USP10: variants seen among roughly 807,000 people sequenced by gnomAD.
USP10 encodes ubiquitin carboxyl-terminal hydrolase 10.
Under a neutral mutation model 84.5 loss-of-function variants are expected in USP10, and 22 were observed. The ratio of observed to expected loss-of-function variants is 0.26; its 90% CI spans 0.19 to 0.37. The LOEUF is 0.37. USP10 is among the 10% of genes least tolerant of loss of function. USP10 has a pLI of 1.00. For missense variants in USP10, 1,019 were observed against 998.9 expected (o/e 1.02, Z -0.27); for synonymous variants, 454 against 387.6 (o/e 1.17, Z -2.01).
chr16:84,729,371 C>G (rs564436522), intron 1 of USP10, among the ~76,000 whole-genome samples: 1 of 152,140 alleles, frequency 6.6e-6, no homozygotes, highest in Non-Finnish European at 1.5e-5. Context: ...CTTGTGATAT[C>G]GATGACTTGT....
chr16:84,707,317 CTATAA>C (rs1905661154), intron 1 of USP10, among the ~76,000 whole-genome samples: 2 of 152,290 alleles, frequency 1.3e-5, no homozygotes, highest in Non-Finnish European at 2.9e-5. Flanking sequence ...AAATTTGTTA[CTATAA>C]TATGTTACTA....
chr16:84,755,313 G>A (rs921320612), intron 4 of USP10, among the ~76,000 whole-genome samples: 1 of 151,612 alleles, frequency 6.6e-6, no homozygotes, highest in South Asian at 2.1e-4. Context: ...TGAAGTTGCT[G>A]TTTCACTCCT....
chr16:84,737,043 T>G (rs1474108009), intron 2 of USP10, among the ~76,000 whole-genome samples: 1 of 152,114 alleles, frequency 6.6e-6, no homozygotes, highest in Non-Finnish European at 1.5e-5. Context: ...CCGCCTCGGC[T>G]TCCCAAAGTG....
At chr16:84,727,651 C>T (rs1908677170) in intron 1 of USP10, among the ~76,000 whole-genome samples, 1 of 152,248 alleles carries the variant, frequency 6.6e-6, no homozygotes, top group Admixed American at 6.5e-5. Context: ...TGCAAATACA[C>T]ACTCATACGG....
intron 1 of USP10, among the ~76,000 whole-genome samples, chr16:84,702,993 C>CAAAAAAAAAAAAA (rs1157728872): frequency 4.0e-4 from 21 of 52,142 alleles, no homozygotes; most frequent in African/African-American, 1.2e-3. Context: ...ACTCCCGTCT[C>CAAAAAAAAAAAAA]AAAAAAAAAA....
At chr16:84,700,654 A>G (rs1159085458) in intron 1 of USP10, among the ~76,000 whole-genome samples, 2 of 152,338 alleles carry the variant, frequency 1.3e-5, no homozygotes, top group East Asian at 3.9e-4. Context: ...TAGAAGTAGC[A>G]GAGTAGCGGC....
chr16:84,740,510 T>C (rs1038606307), intron 3 of USP10, 141 bp downstream of exon 3: 19 of 670,404 alleles, frequency 2.8e-5, no homozygotes, highest in Non-Finnish European at 2.6e-6. Flanking sequence ...GTAATGTATT[T>C]AATTGCTGAA....
chr16:84,713,230 G>GT (rs1906539055), intron 1 of USP10, among the ~76,000 whole-genome samples: 1 of 152,148 alleles, frequency 6.6e-6, no homozygotes, highest in Non-Finnish European at 1.5e-5. Context: ...GCCAGGCATT[G>GT]TTGGTACAGA....
intron 1 of USP10, among the ~76,000 whole-genome samples, chr16:84,729,921 C>G (rs1349032716): frequency 6.6e-6 from 1 of 152,176 alleles, no homozygotes. Flanking sequence ...ATGTTTTCAT[C>G]AAGTCCTAAG....
At chr16:84,775,103 G>T in intron 12 of USP10, 57 bp from the exon 13 acceptor site, 1 of 1,499,414 alleles carries the variant, frequency 6.7e-7, no homozygotes, top group Non-Finnish European at 9.3e-7. Context: ...ATTTTCTGCT[G>T]CTGTTACCCT....
At position 84,744,772 on chromosome 16, in the gene USP10, C is replaced by G; in HGVS notation, c.291C>G (p.Ser97=). 7.4e-6 allele frequency: 12 copies of G among 1,613,686 alleles called. No individual in the cohort carries two copies. The highest frequency in any genetic ancestry group is 1.0e-5 in the Non-Finnish European group (12 of 1,179,706). ...APEFILGCTA[S]KITPDGITKE... ...AATTTATTCTCGGTTGTACAGCTTC[C>G]AAAATAACCCCTGATGGTATCACTA... Residue 97 remains serine, a synonymous_variant, in exon 4 of 14, where the codon TCC becomes TCG. Coordinates refer to ENST00000219473, the MANE Select transcript of USP10 (RefSeq NM_005153.3).
At chr16:84,769,051 T>C (rs1405236021) in intron 11 of USP10, among the ~76,000 whole-genome samples, 1 of 152,210 alleles carries the variant, frequency 6.6e-6, no homozygotes, top group Non-Finnish European at 1.5e-5. Flanking sequence ...GAGTGTCTTC[T>C]CTGTTATATA....
At chr16:84,764,939 A>AAAAATAT (rs370383030) in intron 10 of USP10, among the ~76,000 whole-genome samples, 87 of 132,266 alleles carry the variant, frequency 6.6e-4, no homozygotes, top group African/African-American at 1.9e-3. Flanking sequence ...GAGAAAAAAA[A>AAAAATAT]ATATATATAT....
At position 84,760,249 on chromosome 16, in the gene USP10, G is replaced by A. The variant is rs777792061; in HGVS notation, c.1528G>A (p.Val510Ile). 2 of 1,608,996 alleles carry A rather than the reference G, an allele frequency of 1.2e-6. No homozygotes were observed. The highest frequency in any genetic ancestry group is 1.3e-5 in the African/African-American group (1 of 74,868). ...CACATATATTTACAGACTCCTGACA[G>A]TTAACAAGTCAAGCCTGTCTGAAAA... ...EPTYIYRLLT[V>I]NKSSLSEKGR... The change falls in exon 8 of 14, where the codon GTT becomes ATT. Residue 510 changes from valine to isoleucine, a missense_variant. Coordinates refer to ENST00000219473, the MANE Select transcript of USP10 (RefSeq NM_005153.3).
At chr16:84,701,934 C>CTTTTTTTTTTTTTTT (rs749796171) in intron 1 of USP10, among the ~76,000 whole-genome samples, 1 of 92,704 alleles carries the variant, frequency 1.1e-5, no homozygotes, top group Non-Finnish European at 2.2e-5. Context: ...TAATTTTCTT[C>CTTTTTTTTTTTTTTT]TTCTTTTTTT....
rs765812676 is a variant in USP10 at position 84,744,615 on chromosome 16, A to G, written c.152-18A>G. On this transcript the variant is annotated intron_variant, in intron 3 of 13. Coordinates refer to ENST00000219473, the MANE Select transcript of USP10 (RefSeq NM_005153.3). Reference sequence around the variant, plus strand: ...TTGTAGAACTGGGTTCTTAACTAATAGTTTTCTTTCTAAACAGGACAAGAA... The same window carrying G: ...TTGTAGAACTGGGTTCTTAACTAATGGTTTTCTTTCTAAACAGGACAAGAA... 5 of 1,573,528 alleles carry G rather than the reference A, an allele frequency of 3.2e-6. No homozygotes were observed. The South Asian group carries it at 4.6e-5, about 15-fold the overall frequency.
In USP10 at chr16:84,700,036, G is replaced by A; in HGVS notation, c.-55G>A. On this transcript the variant is annotated 5_prime_UTR_variant, in exon 1 of 14. Transcript: ENST00000219473. ...TGCGGGCGAGAAGATGGCGGCGGCG[G>A]GGGAAGCAGCGTGAGCAGCCGGAGG... is the stretch of plus-strand genomic sequence containing the variant. The A allele has an allele frequency of 3.7e-6, 5 of 1,344,728 alleles. No individual in the cohort carries two copies. Among genetic ancestry groups the A allele is most frequent in the Non-Finnish European group, 4.9e-6 (5 of 1,025,082 alleles). 83.3% of individuals were successfully genotyped at this position (1,344,728 alleles called of 1,614,324 possible). A position where few individuals can be genotyped will look rare whatever the true frequency, so the allele number is the denominator to read the frequency against.
chr16:84,731,527 A>G (rs748688864), intron 1 of USP10, among the ~76,000 whole-genome samples: 2 of 151,964 alleles, frequency 1.3e-5, no homozygotes, highest in Non-Finnish European at 2.9e-5. Flanking sequence ...TCCCCCCAAG[A>G]AAAAGGTGTA....
At chr16:84,748,666 A>AT (rs1389398910) in intron 4 of USP10, among the ~76,000 whole-genome samples, 1 of 152,098 alleles carries the variant, frequency 6.6e-6, no homozygotes, top group East Asian at 1.9e-4. Flanking sequence ...TCTTAGGGAG[A>AT]TTTTCTCTAT....
Sources: allele counts gnomAD v4.1 joint callset (sites outside exome capture counted in the v4.1 genomes callset), GRCh38; gene constraint gnomAD v4.1.1; transcripts MANE v1.5; gene names NCBI Gene and HGNC (gene_info 2026-07-23, HGNC 2026-07-21).